KCNIP1: variants seen among roughly 807,000 people sequenced by gnomAD.
KCNIP1 encodes the protein A-type potassium channel modulatory protein KCNIP1.
A neutral mutation model predicts 33.0 loss-of-function variants in KCNIP1; 18 were observed. That is an observed-to-expected ratio of 0.55 (90% CI 0.38 to 0.81). KCNIP1 has a LOEUF of 0.81. Among genes scored for constraint, KCNIP1 ranks in the 30% least tolerant of loss-of-function variants. The pLI is 0.00. For missense variants in KCNIP1, 238 were observed against 271.6 expected (o/e 0.88, Z 0.87); for synonymous variants, 93 against 98.3 (o/e 0.95, Z 0.32).
chr5:170,663,992 AC>A (rs1761600252), intron 1 of KCNIP1, among the ~76,000 whole-genome samples: 1 of 151,994 alleles, frequency 6.6e-6, no homozygotes, highest in Non-Finnish European at 1.5e-5. Flanking sequence ...CACACTCCAA[AC>A]AAAGTCATAT....
At chr5:170,538,707 A>G (rs2113372058) in intron 1 of KCNIP1, among the ~76,000 whole-genome samples, 1 of 151,928 alleles carries the variant, frequency 6.6e-6, no homozygotes, top group East Asian at 2.0e-4. Context: ...TCCATCTTGA[A>G]GAGATGACCA....
chr5:170,496,000 A>C (rs1757303308), intron 1 of KCNIP1, among the ~76,000 whole-genome samples: 1 of 152,170 alleles, frequency 6.6e-6, no homozygotes. Context: ...TGACATGTTC[A>C]GCGGGCCGTG....
At chr5:170,656,767 C>A (rs73319332) in intron 1 of KCNIP1, among the ~76,000 whole-genome samples, 14,651 of 152,120 alleles carry the variant, frequency 0.096, 1,316 homozygotes, top group African/African-American at 0.24. Flanking sequence ...GGGTTCCAGC[C>A]GGACTGTGGA....
At position 170,596,237 on chromosome 5, in the gene KCNIP1, C is replaced by A. The variant is rs145336080; in HGVS notation, c.61+91604C>A. On this transcript the variant is annotated intron_variant, in intron 1 of 7. Coordinates refer to ENST00000328939, the MANE Select transcript of KCNIP1 (RefSeq NM_014592.4). ...CCCCACCTTAATACAGGCAGGCTCA[C>A]CTGTCCATTGGTAAGTCAGCACATT... is the stretch of plus-strand genomic sequence containing the variant. 2.2e-3 allele frequency among the ~76,000 whole-genome samples: 334 copies of A among 152,316 alleles called. 1 individual carries two copies. Among genetic ancestry groups the A allele is most frequent in the Admixed American group, 3.9e-3 (59 of 15,300 alleles).
chr5:170,686,899 T>C (rs1345114059), intron 1 of KCNIP1, among the ~76,000 whole-genome samples: 6 of 152,016 alleles, frequency 3.9e-5, no homozygotes, highest in African/African-American at 1.5e-4. Context: ...GTCTGCAGAT[T>C]CCTCCTCTCT....
chr5:170,550,953 C>CT (rs1457039096), intron 1 of KCNIP1, among the ~76,000 whole-genome samples: 7 of 152,182 alleles, frequency 4.6e-5, no homozygotes, highest in African/African-American at 1.7e-4. Flanking sequence ...TGGAACAGGG[C>CT]TTAACCTTTC....
At chr5:170,627,283 A>G (rs1759869495) in intron 1 of KCNIP1, among the ~76,000 whole-genome samples, 1 of 152,150 alleles carries the variant, frequency 6.6e-6, no homozygotes, top group South Asian at 2.1e-4. Flanking sequence ...AAAAATAAAT[A>G]AATAATGTAC....
chr5:170,441,707 T>C (rs1342844253), intron 1 of KCNIP1, among the ~76,000 whole-genome samples: 2 of 152,078 alleles, frequency 1.3e-5, no homozygotes, highest in African/African-American at 2.4e-5. Flanking sequence ...GGCTCACGCC[T>C]GTAATCCCAG....
At chr5:170,615,781 G>C (rs914157353) in intron 1 of KCNIP1, among the ~76,000 whole-genome samples, 4 of 152,140 alleles carry the variant, frequency 2.6e-5, no homozygotes, top group Non-Finnish European at 4.4e-5. Context: ...AATGGCGTTT[G>C]ACACATAAAG....
chr5:170,649,683 A>AT (rs11392825), intron 1 of KCNIP1, among the ~76,000 whole-genome samples: 57,141 of 151,932 alleles, frequency 0.38, 10,973 homozygotes, highest in East Asian at 0.5. Context: ...ACACAAAGGC[A>AT]TTTTTTAGAT....
At chr5:170,378,806 G>A (rs1232407350) in intron 1 of KCNIP1, 1 of 1,614,254 alleles carries the variant, frequency 6.2e-7, no homozygotes. Context: ...AGAGGGAGAA[G>A]AGGAGGGCCT....
At chr5:170,410,699 T>C (rs548964755) in intron 1 of KCNIP1, among the ~76,000 whole-genome samples, 3 of 152,232 alleles carry the variant, frequency 2.0e-5, no homozygotes, top group Admixed American at 2.0e-4. Flanking sequence ...TGCTCTGGTT[T>C]GGGAGGAAGG....
At chr5:170,676,340 G>T (rs1409767696) in intron 1 of KCNIP1, among the ~76,000 whole-genome samples, 3 of 152,104 alleles carry the variant, frequency 2.0e-5, no homozygotes, top group African/African-American at 7.2e-5. Flanking sequence ...CAAGATAAAG[G>T]CTAAGATAAA....
At chr5:170,613,761 G>GA (rs972882486) in intron 1 of KCNIP1, among the ~76,000 whole-genome samples, 1 of 151,968 alleles carries the variant, frequency 6.6e-6, no homozygotes. Context: ...AGAAGTGTCA[G>GA]AAAAAAAGGT....
intron 1 of KCNIP1, among the ~76,000 whole-genome samples, chr5:170,616,000 C>A (rs1325329033): frequency 6.6e-6 from 1 of 152,130 alleles, no homozygotes; most frequent in Non-Finnish European, 1.5e-5. Context: ...TGTTTGGGAA[C>A]AAGACCACTT....
chr5:170,451,165 C>T (rs1371127070), intron 1 of KCNIP1, among the ~76,000 whole-genome samples: 4 of 152,164 alleles, frequency 2.6e-5, no homozygotes, highest in African/African-American at 9.7e-5. Context: ...AAATCGAGAG[C>T]ACTTCGTAGT....
chr5:170,636,673 A>C (rs1760294890), intron 1 of KCNIP1, among the ~76,000 whole-genome samples: 1 of 152,144 alleles, frequency 6.6e-6, no homozygotes, highest in East Asian at 1.9e-4. Context: ...TAGTTCCCCC[A>C]AGATCGCACA....
intron 1 of KCNIP1, among the ~76,000 whole-genome samples, chr5:170,455,871 T>G (rs989779413): frequency 6.6e-6 from 1 of 152,212 alleles, no homozygotes; most frequent in South Asian, 2.1e-4. Flanking sequence ...GGACTGTAAA[T>G]TAGTTCAACC....
intron 1 of KCNIP1, among the ~76,000 whole-genome samples, chr5:170,460,250 A>G (rs1756475895): frequency 6.6e-6 from 1 of 152,184 alleles, no homozygotes; most frequent in African/African-American, 2.4e-5. Context: ...CCAGAATTCT[A>G]CCAGACATTC....
Sources: allele counts gnomAD v4.1 joint callset (sites outside exome capture counted in the v4.1 genomes callset), GRCh38; gene constraint gnomAD v4.1.1; transcripts MANE v1.5; gene names NCBI Gene and HGNC (gene_info 2026-07-23, HGNC 2026-07-21).